The following IFI44 variants were observed in gnomAD, a reference collection of about 807,000 sequenced individuals.
The protein encoded by IFI44 is interferon induced protein 44.
A neutral mutation model predicts 45.0 loss-of-function variants in IFI44; 42 were observed. That is an observed-to-expected ratio of 0.93 (90% CI 0.73 to 1.21). The LOEUF is 1.21. IFI44 is among the 50% of genes most tolerant of loss of function. The pLI is 0.00. For missense variants in IFI44, 623 were observed against 525.8 expected, an observed-to-expected ratio of 1.18 and a Z score of -1.81; for synonymous variants, 221 against 188.6, an observed-to-expected ratio of 1.17 and a Z score of -1.41.
chr1:78,658,829 C>T lies in IFI44; in HGVS notation c.841-483C>T, dbSNP rs55641087. Reference sequence around the variant, plus strand: ...CATTTTTCTGCTACAAATGTTCCAGCAGTTAATAATCTTTGCATATATCAT... The same window carrying T: ...CATTTTTCTGCTACAAATGTTCCAGTAGTTAATAATCTTTGCATATATCAT... On this transcript the variant is annotated intron_variant, in intron 5 of 8. Transcript: ENST00000370747. Among the ~76,000 whole-genome samples the T allele has an allele frequency of 2.3e-3, 350 of 152,248 alleles. 1 individual carries two copies. The highest frequency in any genetic ancestry group is 7.1e-3 in the African/African-American group (293 of 41,548).
chr1:78,658,610 G>C (rs1219104760), intron 5 of IFI44, among the ~76,000 whole-genome samples: 1 of 152,090 alleles, frequency 6.6e-6, no homozygotes, highest in Non-Finnish European at 1.5e-5. Flanking sequence ...TATAGTCAAA[G>C]AATCTATCTT....
chr1:78,650,714 A>G, intron 2 of IFI44, 62 bp downstream of exon 2: 1 of 1,094,634 alleles, frequency 9.1e-7, no homozygotes, highest in Non-Finnish European at 1.3e-6. Flanking sequence ...GGTTTGAACC[A>G]ATTCATCTCT....
intron 7 of IFI44, among the ~76,000 whole-genome samples, chr1:78,662,348 A>C (rs1647509401): frequency 6.6e-6 from 1 of 152,220 alleles, no homozygotes; most frequent in Non-Finnish European, 1.5e-5. Context: ...TTGATTCTAG[A>C]GGTAAAATAG....
At position 78,662,881 on chromosome 1, in the gene IFI44, A is replaced by G; in HGVS notation, c.1288+3A>G. The G allele has an allele frequency of 6.3e-7, 1 of 1,582,610 alleles. No homozygotes were observed. The highest frequency in any genetic ancestry group is 2.3e-5 in the East Asian group (1 of 43,978). On this transcript the variant is annotated splice_donor_region_variant and intron_variant, in intron 8 of 8. Transcript: ENST00000370747. ...GGATTTGCCTTTTGAGCAAATAGGTAGATGGTTTGGTGGTGTGGAAGCTTG... is the reference window on the plus strand; with the variant it reads ...GGATTTGCCTTTTGAGCAAATAGGTGGATGGTTTGGTGGTGTGGAAGCTTG...
At chr1:78,651,305 T>C (rs1647121752) in intron 2 of IFI44, among the ~76,000 whole-genome samples, 1 of 152,206 alleles carries the variant, frequency 6.6e-6, no homozygotes, top group Admixed American at 6.5e-5. Context: ...CGGTCCCATC[T>C]TGGGGTGATG....
chr1:78,652,061 C>A (rs1000862270), intron 2 of IFI44, among the ~76,000 whole-genome samples: 44 of 152,144 alleles, frequency 2.9e-4, no homozygotes, highest in African/African-American at 1.1e-3. Flanking sequence ...TCAAGGCAGG[C>A]AAGCATGCCC....
Position 78,659,323 on chromosome 1 carries a change from G to T in IFI44, c.852G>T (p.Met284Ile). ...TGTCTACCTTACAGTTTAATCCCAT[G>T]GAATCAATCAAATTAAATCATCATG... ...NIRDRYQFNP[M>I]ESIKLNHHDY... The change falls in exon 6 of 9, where the codon ATG becomes ATT. Residue 284 changes from methionine to isoleucine, a missense_variant. Met to Ile is a conservative substitution (Grantham distance 10). Coordinates refer to ENST00000370747, the MANE Select transcript of IFI44 (RefSeq NM_006417.5). The T allele has an allele frequency of 1.2e-6, 2 of 1,611,496 alleles. No individual in the cohort carries two copies. Among genetic ancestry groups the T allele is most frequent in the Non-Finnish European group, 1.7e-6 (2 of 1,178,084 alleles).
At chr1:78,661,086 A>T (rs995616472) in intron 7 of IFI44, among the ~76,000 whole-genome samples, 2 of 152,004 alleles carry the variant, frequency 1.3e-5, no homozygotes, top group Admixed American at 1.3e-4. Context: ...TATTTTTTTG[A>T]GATGAAGTTT....
intron 7 of IFI44, 61 bp downstream of exon 7, chr1:78,660,715 A>G (rs1647402673): frequency 1.9e-6 from 2 of 1,059,922 alleles, no homozygotes; most frequent in Non-Finnish European, 3.0e-6. Flanking sequence ...ATCACATACT[A>G]GTGTGTATAA....
At position 78,655,221 on chromosome 1, in the gene IFI44, T is replaced by G. The variant is rs776541318; in HGVS notation, c.690+12T>G. On this transcript the variant is annotated intron_variant, in intron 4 of 8. Coordinates refer to ENST00000370747, the MANE Select transcript of IFI44 (RefSeq NM_006417.5). ...GGATATCTGAGAAGGTAAGCACATT[T>G]GAGGCCACCTAGCCTTTGCTTCTCT... The G allele has an allele frequency of 6.2e-7, 1 of 1,610,342 alleles. No homozygotes were observed. Among genetic ancestry groups the G allele is most frequent in the Admixed American group, 1.7e-5 (1 of 59,576 alleles).
At chr1:78,654,304 A>G (rs760921570) in intron 3 of IFI44, 25 bp downstream of exon 3, 1 of 1,243,910 alleles carries the variant, frequency 8.0e-7, no homozygotes, top group Non-Finnish European at 1.2e-6. Flanking sequence ...TTAAGATTCT[A>G]TTACTCTCTT....
intron 7 of IFI44, among the ~76,000 whole-genome samples, chr1:78,661,826 G>C (rs1647475288): frequency 6.6e-6 from 1 of 152,018 alleles, no homozygotes; most frequent in Non-Finnish European, 1.5e-5. Context: ...AAAATGAAGA[G>C]ACAAAAAGGG....
At chr1:78,653,591 C>G (rs1468625878) in intron 2 of IFI44, among the ~76,000 whole-genome samples, 2 of 151,974 alleles carry the variant, frequency 1.3e-5, no homozygotes, top group Admixed American at 6.6e-5. Flanking sequence ...ATAAAAATGT[C>G]TCTTTCCAAA....
At chr1:78,655,536 A>G in intron 5 of IFI44, 25 bp downstream of exon 5, 2 of 1,572,894 alleles carry the variant, frequency 1.3e-6, no homozygotes, top group Non-Finnish European at 1.7e-6. Context: ...ATGAGAAATT[A>G]TAACTGATTT....
chr1:78,662,057 T>A (rs1647488915), intron 7 of IFI44, among the ~76,000 whole-genome samples: 3 of 152,220 alleles, frequency 2.0e-5, no homozygotes, highest in South Asian at 4.1e-4. Flanking sequence ...AAAGTTATGA[T>A]CTTCAGAAAA....
chr1:78,663,396 C>T, intron 8 of IFI44: 1 of 985,132 alleles, frequency 1.0e-6, no homozygotes, highest in Non-Finnish European at 1.2e-6. Context: ...GTAATGGCCA[C>T]CGCATTTAGT....
intron 5 of IFI44, among the ~76,000 whole-genome samples, chr1:78,656,921 A>C (rs911600962): frequency 6.6e-6 from 1 of 151,676 alleles, no homozygotes; most frequent in Admixed American, 6.6e-5. Context: ...AAAATATACA[A>C]AGTAGTTTAA....
chr1:78,659,627 A>G, intron 6 of IFI44, 144 bp downstream of exon 6: 1 of 595,164 alleles, frequency 1.7e-6, no homozygotes, highest in Non-Finnish European at 2.9e-6. Context: ...GCTTCAATGA[A>G]ATTGAGCATT....
In IFI44 at chr1:78,650,396, G is replaced by A; in HGVS notation, c.201G>A (p.Glu67=). The change falls in exon 2 of 9, where the codon GAG becomes GAA. Residue 67 remains glutamate (E), a synonymous_variant. Coordinates refer to ENST00000370747, the MANE Select transcript of IFI44 (RefSeq NM_006417.5). Reference sequence around the variant, plus strand: ...ATATTATTGGAGCATATGCAGAAGAGAGTTACCAGGAAGGAAAGTATGCTT... The same window carrying A: ...ATATTATTGGAGCATATGCAGAAGAAAGTTACCAGGAAGGAAAGTATGCTT... ...EDHIIGAYAE[E]SYQEGKYASI... is the part of the protein sequence containing the mutation. 1 of 1,614,034 alleles carries A rather than the reference G, an allele frequency of 6.2e-7. No individual in the cohort carries two copies. The highest frequency in any genetic ancestry group is 1.7e-4 in the Middle Eastern group (1 of 6,060).
Sources: allele counts gnomAD v4.1 joint callset (sites outside exome capture counted in the v4.1 genomes callset), GRCh38; gene constraint gnomAD v4.1.1; transcripts MANE v1.5; gene names NCBI Gene and HGNC (gene_info 2026-07-23, HGNC 2026-07-21).